RHAG: variants seen among roughly 807,000 people sequenced by gnomAD.
The protein encoded by RHAG is ammonium transporter Rh type A.
RHAG carries 25 observed loss-of-function variants against 42.4 expected under a neutral mutation model. That is an observed-to-expected ratio of 0.59 (90% confidence interval 0.43 to 0.82). The LOEUF (loss-of-function observed/expected upper bound fraction) is 0.82. Ranked by LOEUF, RHAG falls within the 40% of genes least tolerant of loss-of-function variation. The pLI is 0.00. For synonymous variants in RHAG, 182 were observed against 177.7 expected (o/e 1.02, Z -0.19); for missense variants, 483 against 504.6 (o/e 0.96, Z 0.41).
rs761551185 is a variant in RHAG, at chr6:49,607,110, G to A, written c.1138+40C>T. ...TAATTATCTATTGTAAATAATCTGA[G>A]AGCATAAGATACAGGGAAGTGTTCA... On this transcript the variant is annotated intron_variant, in intron 8 of 9. Transcript: ENST00000371175. 4 of 1,512,060 alleles carry A rather than the reference G, an allele frequency of 2.6e-6. No individual in the cohort carries two copies. In the African/African-American group the frequency reaches 4.1e-5, roughly 16 times the overall value. The allele number at this position is 1,512,060 out of a possible 1,614,324, so 93.7% of individuals were successfully genotyped here.
At position 49,612,372 on chromosome 6, in the gene RHAG, G is replaced by T. The variant is rs1243162845; in HGVS notation, c.945+25C>A. 3.1e-6 allele frequency: 5 copies of T among 1,612,526 alleles called. No individual in the cohort carries two copies. The African/African-American group carries it at 5.3e-5, about 17-fold the overall frequency. On this transcript the variant is annotated intron_variant, in intron 6 of 9. Transcript: ENST00000371175. ...GAAAAAAGGTGCAGATTCAGAGTTTGACTCAGAACATCTGCTGTACTTACA... is the reference window on the plus strand; with the variant it reads ...GAAAAAAGGTGCAGATTCAGAGTTTTACTCAGAACATCTGCTGTACTTACA...
intron 1 of RHAG, among the ~76,000 whole-genome samples, chr6:49,634,722 G>A (rs1404486550): frequency 2.0e-5 from 3 of 151,930 alleles, no homozygotes; most frequent in Non-Finnish European, 2.9e-5. Context: ...TTTTCTTCAT[G>A]AATCATAAAA....
chr6:49,626,169 C>T (rs1762840963), intron 1 of RHAG, among the ~76,000 whole-genome samples: 1 of 152,148 alleles, frequency 6.6e-6, no homozygotes, highest in Non-Finnish European at 1.5e-5. Context: ...TCCCAACCGT[C>T]CCCCAAAGTC....
At chr6:49,620,545 G>C (rs190544484) in intron 1 of RHAG, among the ~76,000 whole-genome samples, 16 of 151,824 alleles carry the variant, frequency 1.1e-4, no homozygotes, top group African/African-American at 2.7e-4. Flanking sequence ...CTTTTTTTGG[G>C]GGGGGAGACA....
In RHAG at chr6:49,619,261, C is replaced by A; in HGVS notation, c.259G>T (p.Ala87Ser). The A allele has an allele frequency of 6.2e-7, 1 of 1,614,132 alleles. No homozygotes were observed. The highest frequency in any genetic ancestry group is 8.5e-7 in the Non-Finnish European group (1 of 1,180,006). The change falls in exon 2 of 10, where the codon GCT becomes TCT. Residue 87 changes from alanine to serine, a missense_variant. By Grantham distance (99) the Ala-to-Ser change is moderately conservative. Transcript: ENST00000371175. ...FSSVGINLLV[A>S]ALGLQWGTIV... is the part of the protein sequence containing the mutation. ...GTGCCCCACTGGAGGCCCAAAGCAG[C>A]AACGAGTAGGTTGATACCCACACTG...
chr6:49,628,191 C>CTGT (rs1229469444), intron 1 of RHAG, among the ~76,000 whole-genome samples: 4 of 151,806 alleles, frequency 2.6e-5, no homozygotes, highest in Admixed American at 2.6e-4. Flanking sequence ...GGGTCTTGCT[C>CTGT]TGTTGCCCAG....
chr6:49,617,922 C>T (rs1762681256), intron 3 of RHAG, 146 bp downstream of exon 3: 3 of 698,234 alleles, frequency 4.3e-6, no homozygotes, highest in Admixed American at 4.5e-5. Flanking sequence ...TTACAGTAGG[C>T]ACTCAGTAAA....
rs1382003799 is a variant in RHAG, at chr6:49,611,080, A to G, written c.1011T>C (p.Pro337=). ...TGCCTGCAAGGCCTCCCACTACACC[A>G]GGTAAGCCGTGGAGGTTATGGACCC... ...TCGVHNLHGL[P]GVVGGLAGIV... is the part of the protein sequence containing the mutation. Residue 337 remains proline, a synonymous_variant, in exon 7 of 10, where the codon CCT becomes CCC. Coordinates refer to ENST00000371175, the MANE Select transcript of RHAG (RefSeq NM_000324.3). The G allele has an allele frequency of 6.2e-7, 1 of 1,613,868 alleles. No homozygotes were observed. The highest frequency in any genetic ancestry group is 1.3e-5 in the African/African-American group (1 of 75,020).
chr6:49,607,288 G>T, intron 7 of RHAG, 68 bp from the exon 8 acceptor site: 1 of 1,254,222 alleles, frequency 8.0e-7, no homozygotes, highest in African/African-American at 1.5e-5. Context: ...CTCACTCACT[G>T]AGGGTGTGGA....
At chr6:49,615,279 C>A (rs1007155243) in intron 4 of RHAG, 9 of 272,896 alleles carry the variant, frequency 3.3e-5, no homozygotes, top group Non-Finnish European at 6.3e-5. Flanking sequence ...TGGCCACTGA[C>A]AATGTCTCTG....
chr6:49,615,738 C>T lies in RHAG; in HGVS notation c.526G>A (p.Ala176Thr). 1 of 1,614,160 alleles carries T rather than the reference C, an allele frequency of 6.2e-7. No individual in the cohort carries two copies. Among genetic ancestry groups the T allele is most frequent in the Non-Finnish European group, 8.5e-7 (1 of 1,180,036 alleles). ...SDIGASMTIH[A>T]FGAYFGLAVA... The stretch of plus-strand genomic sequence containing the variant: ...GCCAAGCCAAAGTAGGCCCCAAAGG[C>T]ATGGATCGTCATTGATGCTCCAATG... Residue 176 changes from alanine to threonine, a missense_variant, in exon 4 of 10, where the codon GCC becomes ACC. Transcript: ENST00000371175.
At chr6:49,610,637 C>G (rs973601416) in intron 7 of RHAG, among the ~76,000 whole-genome samples, 7 of 152,084 alleles carry the variant, frequency 4.6e-5, no homozygotes, top group African/African-American at 1.7e-4. Context: ...TATTCCAACT[C>G]ATCCTTCTTT....
In RHAG at chr6:49,609,265, C is replaced by T. The variant is rs569207441; in HGVS notation, c.1067+1759G>A. Among the ~76,000 whole-genome samples, 6 of 152,146 alleles carry T rather than the reference C, an allele frequency of 3.9e-5. No homozygotes were observed. In the East Asian group the frequency reaches 5.8e-4, roughly 15 times the overall value. On this transcript the variant is annotated intron_variant, in intron 7 of 9. Transcript: ENST00000371175. ...TTCCTCTGCCTCCTACCCCCACCAA[C>T]GAATAAATTGAGATGTTTCTAAACC...
chr6:49,628,536 G>A (rs1445544830), intron 1 of RHAG, among the ~76,000 whole-genome samples: 1 of 151,848 alleles, frequency 6.6e-6, no homozygotes, highest in African/African-American at 2.4e-5. Context: ...TTCTTCTGAT[G>A]TTCCGATGCG....
chr6:49,627,205 G>C (rs941727897), intron 1 of RHAG, among the ~76,000 whole-genome samples: 1 of 152,144 alleles, frequency 6.6e-6, no homozygotes, highest in Non-Finnish European at 1.5e-5. Flanking sequence ...GTTTTCTACT[G>C]CATCATCAGG....
chr6:49,635,052 G>T (rs1440406806), intron 1 of RHAG, among the ~76,000 whole-genome samples: 1 of 150,592 alleles, frequency 6.6e-6, no homozygotes, highest in African/African-American at 2.4e-5. Context: ...TATCCACTCA[G>T]CAAATTACAA....
intron 9 of RHAG, among the ~76,000 whole-genome samples, chr6:49,606,359 C>T (rs368480055): frequency 2.0e-5 from 3 of 152,016 alleles, no homozygotes; most frequent in East Asian, 1.9e-4. Flanking sequence ...ATTATTTTTA[C>T]GAATAGCTTT....
At chr6:49,615,128 T>C in intron 4 of RHAG, 1 of 373,358 alleles carries the variant, frequency 2.7e-6, no homozygotes, top group Non-Finnish European at 5.0e-6. Flanking sequence ...TTTTTTGTAT[T>C]TTTAGTAGAG....
At chr6:49,609,393 C>G (rs139668309) in intron 7 of RHAG, among the ~76,000 whole-genome samples, 1 of 152,214 alleles carries the variant, frequency 6.6e-6, no homozygotes, top group East Asian at 1.9e-4. Flanking sequence ...TTTATTGCAT[C>G]TGTGAAACTG....
Sources: gnomAD v4.1 joint callset for allele counts (sites outside exome capture counted in the v4.1 genomes callset) on GRCh38, gnomAD v4.1.1 for gene constraint, MANE v1.5 for transcripts, NCBI Gene and HGNC (gene_info 2026-07-23, HGNC 2026-07-21) for gene names.